The following CRACDL variants were observed in gnomAD, a reference collection of about 807,000 sequenced individuals.
CRACDL encodes the protein CRACD-like protein.
A neutral mutation model predicts 70.6 loss-of-function variants in CRACDL; 26 were observed. The observed-to-expected ratio is 0.37, with a 90% CI of 0.27 to 0.51. The LOEUF is 0.51. Ranked by LOEUF, CRACDL falls within the 20% of genes least tolerant of loss-of-function variation. The probability of loss-of-function intolerance (pLI) is 0.94; values close to 1 mark genes in which losing one functional copy is unlikely to be tolerated. For missense variants in CRACDL, 1,283 were observed against 1,376.9 expected (o/e 0.93, Z 1.08); for synonymous variants, 618 against 615.2 (o/e 1.00, Z -0.07).
At chr2:98,877,342 C>A (rs954436459) in intron 1 of CRACDL, among the ~76,000 whole-genome samples, 1 of 152,202 alleles carries the variant, frequency 6.6e-6, no homozygotes, top group Non-Finnish European at 1.5e-5. Context: ...AACGGTGTTT[C>A]AGTCAATGAT....
chr2:98,840,132 T>C (rs1254701198), intron 2 of CRACDL, among the ~76,000 whole-genome samples: 4 of 152,170 alleles, frequency 2.6e-5, no homozygotes, highest in African/African-American at 4.8e-5. Flanking sequence ...TTTTATAATA[T>C]AATATTTAAG....
rs367683332 is a variant in CRACDL, at chr2:98,827,213, G to A, written c.541-44C>T. 1.4e-5 allele frequency: 20 copies of A among 1,431,404 alleles called. No homozygotes were observed. The East Asian group carries it at 1.6e-4, about 11-fold the overall frequency. 88.7% of individuals were successfully genotyped at this position (1,431,404 alleles called of 1,614,324 possible). A position where few individuals can be genotyped will look rare whatever the true frequency, so the allele number is the denominator to read the frequency against. ...AAACACACGGAGCATGAACTTCACC[G>A]TGTGAAATAAGGACGACCAACGCAA... is the stretch of plus-strand genomic sequence containing the variant. On this transcript the variant is annotated intron_variant, in intron 5 of 9. Transcript: ENST00000397899.
intron 1 of CRACDL, among the ~76,000 whole-genome samples, chr2:98,856,439 A>T (rs1213838415): frequency 6.6e-6 from 1 of 152,108 alleles, no homozygotes; most frequent in Non-Finnish European, 1.5e-5. Context: ...TTGCTAGCAG[A>T]CCTGTCTTAC....
intron 1 of CRACDL, among the ~76,000 whole-genome samples, chr2:98,922,893 C>T (rs1447945115): frequency 6.6e-6 from 1 of 152,076 alleles, no homozygotes; most frequent in Non-Finnish European, 1.5e-5. Flanking sequence ...TGCCTGGAAG[C>T]TAAAAAGAAA....
rs531187766 is a variant in CRACDL, at chr2:98,902,956, A to G, written c.-11+32982T>C. ...ACCAGCTTTTACCACTCCCTCCAGG[A>G]AGCTTCGCATCCTGAGATGAAAACA... On this transcript the variant is annotated intron_variant, in intron 1 of 9. Transcript: ENST00000397899. Among the ~76,000 whole-genome samples the G allele has an allele frequency of 1.4e-3, 207 of 152,220 alleles. 2 individuals are homozygous for G. The highest frequency in any genetic ancestry group is 7.5e-3 in the South Asian group (36 of 4,822).
chr2:98,819,942 C>T (rs1253430696), intron 7 of CRACDL, among the ~76,000 whole-genome samples: 2 of 150,870 alleles, frequency 1.3e-5, no homozygotes, highest in Non-Finnish European at 2.9e-5. Flanking sequence ...GGCTCAGCCT[C>T]CTGAGTAGCT....
Position 98,854,651 on chromosome 2 carries a change from C to G in CRACDL, c.-10-7841G>C, listed in dbSNP as rs142028802. Among the ~76,000 whole-genome samples, 68 of 152,272 alleles carry G rather than the reference C, an allele frequency of 4.5e-4. 1 individual carries two copies. The highest frequency in any genetic ancestry group is 1.5e-3 in the African/African-American group (64 of 41,546). On this transcript the variant is annotated intron_variant, in intron 1 of 9. Coordinates refer to ENST00000397899, the MANE Select transcript of CRACDL (RefSeq NM_207362.3). ...CAATAAATGAAATGCAAACAATCCC[C>G]TGCCTTAAACTTGGGCAAATGATTT...
intron 7 of CRACDL, among the ~76,000 whole-genome samples, chr2:98,814,802 T>C (rs1704715582): frequency 6.6e-6 from 1 of 152,214 alleles, no homozygotes; most frequent in Non-Finnish European, 1.5e-5. Context: ...TATGGATTTA[T>C]TTATTTTTCC....
Position 98,822,941 on chromosome 2 carries a change from G to T in CRACDL, c.1332C>A (p.Pro444=). Residue 444 remains proline, a synonymous_variant, in exon 7 of 10, where the codon CCC becomes CCA. Transcript: ENST00000397899. The surrounding 1 kb of genome is among the most constrained non-coding windows in gnomAD (Gnocchi z 4.9). Reference sequence around the variant, plus strand: ...GCCCCTTCTCCTCATCCGGGAGCACGGGCGGCGTCGGCTCCGCTTCCTTCG... The same window carrying T: ...GCCCCTTCTCCTCATCCGGGAGCACTGGCGGCGTCGGCTCCGCTTCCTTCG... ...SVPKEAEPTP[P]VLPDEEKGPP... The T allele has an allele frequency of 1.4e-6, 2 of 1,459,732 alleles. No homozygotes were observed. Among genetic ancestry groups the T allele is most frequent in the African/African-American group, 1.5e-5 (1 of 67,624 alleles). 90.4% of individuals were successfully genotyped at this position (1,459,732 alleles called of 1,614,324 possible).
intron 1 of CRACDL, among the ~76,000 whole-genome samples, chr2:98,859,917 C>T (rs984917070): frequency 4.6e-5 from 7 of 152,068 alleles, no homozygotes; most frequent in Admixed American, 4.6e-4. Context: ...GTTGAGGGAT[C>T]CATTAAAACA....
At chr2:98,876,739 C>T (rs1707497073) in intron 1 of CRACDL, among the ~76,000 whole-genome samples, 1 of 152,152 alleles carries the variant, frequency 6.6e-6, no homozygotes, top group South Asian at 2.1e-4. Context: ...TCATTGTGTA[C>T]AAGTTGTTGA....
chr2:98,834,193 A>C (rs1236885821), intron 3 of CRACDL, among the ~76,000 whole-genome samples: 1 of 152,092 alleles, frequency 6.6e-6, no homozygotes, highest in Non-Finnish European at 1.5e-5. Flanking sequence ...CCACCCAAGC[A>C]CCTCCGCTTT....
At chr2:98,833,153 C>T (rs1283301362) in intron 3 of CRACDL, among the ~76,000 whole-genome samples, 156 bp from the exon 4 acceptor site, 2 of 152,256 alleles carry the variant, frequency 1.3e-5, no homozygotes, top group Non-Finnish European at 2.9e-5. Context: ...TCAGTTCATC[C>T]ACACGCTGTC....
chr2:98,832,617 G>C, intron 4 of CRACDL, 105 bp from the exon 5 acceptor site: 2 of 1,154,066 alleles, frequency 1.7e-6, no homozygotes, highest in South Asian at 2.9e-5. Flanking sequence ...CAGTATCTTG[G>C]TGTGGTGCAG....
intron 1 of CRACDL, among the ~76,000 whole-genome samples, chr2:98,874,079 C>G (rs904388054): frequency 6.6e-6 from 1 of 152,216 alleles, no homozygotes; most frequent in East Asian, 1.9e-4. Flanking sequence ...CAAAGGCAGT[C>G]AACCAATTAT....
chr2:98,845,352 A>G (rs1706214807), intron 2 of CRACDL, among the ~76,000 whole-genome samples: 1 of 151,784 alleles, frequency 6.6e-6, no homozygotes, highest in South Asian at 2.1e-4. Flanking sequence ...GTGTGCCACC[A>G]TGTCCAGCCA....
intron 7 of CRACDL, 139 bp from the exon 8 acceptor site, chr2:98,797,676 G>T: frequency 2.8e-6 from 2 of 725,438 alleles, no homozygotes; most frequent in Non-Finnish European, 2.2e-6. Context: ...TTCTTTAGGG[G>T]CTTTGTTTTC....
chr2:98,932,067 G>A (rs1422519605), intron 1 of CRACDL, among the ~76,000 whole-genome samples: 3 of 152,236 alleles, frequency 2.0e-5, no homozygotes, highest in African/African-American at 4.8e-5. Flanking sequence ...ATTATTTGAT[G>A]AGAATTCTCC....
chr2:98,900,631 A>G (rs772259700), intron 1 of CRACDL, among the ~76,000 whole-genome samples: 1 of 152,048 alleles, frequency 6.6e-6, no homozygotes, highest in Non-Finnish European at 1.5e-5. Flanking sequence ...GCGTGCGTGC[A>G]GGTGTGTGTG....
Sources: allele counts gnomAD v4.1 joint callset (sites outside exome capture counted in the v4.1 genomes callset), GRCh38; gene constraint gnomAD v4.1.1; non-coding constraint Gnocchi (gnomAD v3.1); transcripts MANE v1.5; gene names NCBI Gene and HGNC (gene_info 2026-07-23, HGNC 2026-07-21).